TAMM41: variants seen among roughly 807,000 people sequenced by gnomAD.
The protein encoded by TAMM41 is phosphatidate cytidylyltransferase, mitochondrial.
A neutral mutation model predicts 44.1 loss-of-function variants in TAMM41; 36 were observed. The observed-to-expected ratio is 0.82, with a 90% CI of 0.63 to 1.08. TAMM41 has a LOEUF of 1.08. TAMM41 is among the 50% of genes least tolerant of loss of function. The probability of loss-of-function intolerance (pLI) is 0.00; values close to 1 mark genes in which losing one functional copy is unlikely to be tolerated. For synonymous variants in TAMM41, 164 were observed against 153.1 expected (o/e 1.07, Z -0.53); for missense variants, 417 against 404.3 (o/e 1.03, Z -0.27).
intron 7 of TAMM41, chr3:11,807,195 A>G: frequency 7.1e-7 from 1 of 1,400,416 alleles, no homozygotes; most frequent in Non-Finnish European, 9.2e-7. Flanking sequence ...GAAGAACATT[A>G]TGCAGGGAAG....
Position 11,790,562 on chromosome 3 carries a change from A to C in TAMM41, c.957T>G (p.Ile319Met). 1 of 1,614,018 alleles carries C rather than the reference A, an allele frequency of 6.2e-7. No individual in the cohort carries two copies. Among genetic ancestry groups the C allele is most frequent in the Admixed American group, 1.7e-5 (1 of 59,974 alleles). Residue 319 changes from isoleucine to methionine, a missense_variant, in exon 8 of 8, where the codon ATT becomes ATG. Transcript: ENST00000455809. ...IFTAGLKKSV[I>M]YSSLKLHKMW... Reference sequence around the variant, plus strand: ...TTTTGTGCAGTTTTAGTGAACTATAAATCACTGACTTCTTCAGGCCTAAAA... The same window carrying C: ...TTTTGTGCAGTTTTAGTGAACTATACATCACTGACTTCTTCAGGCCTAAAA...
chr3:11,818,450 T>C (rs2078373274), intron 4 of TAMM41, among the ~76,000 whole-genome samples: 1 of 152,230 alleles, frequency 6.6e-6, no homozygotes, highest in Admixed American at 6.5e-5. Context: ...TAGTGCAAAC[T>C]GTTGGCTTGT....
intron 5 of TAMM41, among the ~76,000 whole-genome samples, chr3:11,815,839 G>C (rs2078256002): frequency 6.6e-6 from 1 of 152,142 alleles, no homozygotes; most frequent in Non-Finnish European, 1.5e-5. Flanking sequence ...AATATCAGAA[G>C]AATCAGCTAT....
At chr3:11,727,909 C>A in the TAMM41 span, among the ~76,000 whole-genome samples, 1 of 151,752 alleles carries the variant, frequency 6.6e-6, no homozygotes, top group Non-Finnish European at 1.5e-5. Flanking sequence ...GCCTCAGCCT[C>A]CTGAGTAGCT....
At chr3:11,777,144 AT>A in the TAMM41 span, among the ~76,000 whole-genome samples, 1 of 152,190 alleles carries the variant, frequency 6.6e-6, no homozygotes, top group Non-Finnish European at 1.5e-5. Context: ...ACAGACAAAA[AT>A]GGTAACTATG....
chr3:11,823,803 G>T (rs1235120921), intron 4 of TAMM41, among the ~76,000 whole-genome samples: 1 of 147,978 alleles, frequency 6.8e-6, no homozygotes, highest in African/African-American at 2.5e-5. Flanking sequence ...TGGGACTACA[G>T]GTCAGGTGTG....
the TAMM41 span, among the ~76,000 whole-genome samples, chr3:11,736,510 G>A: frequency 6.6e-6 from 1 of 152,206 alleles, no homozygotes; most frequent in Non-Finnish European, 1.5e-5. Context: ...GTTTCTCATG[G>A]TTTCTGTTAG....
the TAMM41 span, among the ~76,000 whole-genome samples, chr3:11,762,834 T>C: frequency 6.6e-6 from 1 of 152,132 alleles, no homozygotes; most frequent in Non-Finnish European, 1.5e-5. Context: ...CCAAGGCAGG[T>C]GGATCACCTG....
chr3:11,794,112 A>C (rs962862027), intron 7 of TAMM41, among the ~76,000 whole-genome samples: 1 of 151,438 alleles, frequency 6.6e-6, no homozygotes. Context: ...CAATCCATAG[A>C]CTTCTACTTG....
chr3:11,779,698 G>A, the TAMM41 span, among the ~76,000 whole-genome samples: 7 of 152,152 alleles, frequency 4.6e-5, no homozygotes, highest in African/African-American at 9.7e-5. Context: ...CTCCCATGGT[G>A]TCTTTAGTCA....
At chr3:11,787,772 T>C (rs1424545158), downstream of TAMM41, among the ~76,000 whole-genome samples, 1 of 152,160 alleles carries the variant, frequency 6.6e-6, no homozygotes, top group Non-Finnish European at 1.5e-5. Context: ...GTTAAGCAAC[T>C]TGACCAAGGA....
In TAMM41 at chr3:11,846,759, G is replaced by A. The variant is rs547704124; in HGVS notation, c.-123C>T. ...TCGGAGACTGGATCGAGGGACACAAGGCTGAGTGTGGGGTGGGACTGCAAG... is the reference window on the plus strand; with the variant it reads ...TCGGAGACTGGATCGAGGGACACAAAGCTGAGTGTGGGGTGGGACTGCAAG... On this transcript the variant is annotated 5_prime_UTR_variant, in exon 1 of 8. Coordinates refer to ENST00000455809, the MANE Select transcript of TAMM41 (RefSeq NM_001284401.2). The A allele has an allele frequency of 7.9e-7, 1 of 1,271,166 alleles. No homozygotes were observed. The highest frequency in any genetic ancestry group is 1.1e-6 in the Non-Finnish European group (1 of 905,758). The allele number at this position is 1,271,166 out of a possible 1,614,324, so 78.7% of individuals were successfully genotyped here.
chr3:11,800,551 A>T (rs1408951455), intron 7 of TAMM41, among the ~76,000 whole-genome samples: 1 of 52,684 alleles, frequency 1.9e-5, no homozygotes, highest in Admixed American at 2.5e-4. Context: ...AACAGTTAAA[A>T]AAAAAAAAAA....
At chr3:11,729,108 A>G in the TAMM41 span, among the ~76,000 whole-genome samples, 3 of 152,070 alleles carry the variant, frequency 2.0e-5, no homozygotes, top group Non-Finnish European at 4.4e-5. Flanking sequence ...AAGTGCCCTT[A>G]AGCAAGACCA....
At chr3:11,842,876 G>A (rs1433892497) in intron 2 of TAMM41, among the ~76,000 whole-genome samples, 1 of 152,142 alleles carries the variant, frequency 6.6e-6, no homozygotes, top group Non-Finnish European at 1.5e-5. Flanking sequence ...CTGGCCCAGG[G>A]AAGCTCTAGG....
At chr3:11,812,228 C>T (rs1575639255) in intron 5 of TAMM41, among the ~76,000 whole-genome samples, 1 of 152,112 alleles carries the variant, frequency 6.6e-6, no homozygotes, top group African/African-American at 2.4e-5. Context: ...CATTCTCTCC[C>T]CCTGGCCAAA....
At chr3:11,765,029 G>A in the TAMM41 span, among the ~76,000 whole-genome samples, 1 of 152,100 alleles carries the variant, frequency 6.6e-6, no homozygotes, top group East Asian at 1.9e-4. Context: ...AACCTTAGTT[G>A]GCCTCACCTT....
At chr3:11,804,381 C>G (rs2077840357) in intron 7 of TAMM41, among the ~76,000 whole-genome samples, 1 of 152,200 alleles carries the variant, frequency 6.6e-6, no homozygotes, top group African/African-American at 2.4e-5. Flanking sequence ...CTTGTGTCAT[C>G]TACCCATTAC....
At chr3:11,722,967 C>CA in the TAMM41 span, among the ~76,000 whole-genome samples, 1 of 150,584 alleles carries the variant, frequency 6.6e-6, no homozygotes, top group Non-Finnish European at 1.5e-5. Context: ...CGTCTCAAAA[C>CA]AAAAAATTAG....
Sources: allele counts gnomAD v4.1 joint callset (sites outside exome capture counted in the v4.1 genomes callset), GRCh38; gene constraint gnomAD v4.1.1; transcripts MANE v1.5; gene names NCBI Gene and HGNC (gene_info 2026-07-23, HGNC 2026-07-21).